NCAPD2: variants seen among roughly 807,000 people sequenced by gnomAD.
NCAPD2 encodes condensin complex subunit 1.
Under a neutral mutation model 164.5 loss-of-function variants are expected in NCAPD2, and 100 were observed. The observed-to-expected ratio is 0.61, with a 90% CI of 0.52 to 0.72. The LOEUF is 0.72. NCAPD2 is among the 30% of genes least tolerant of loss of function. NCAPD2 has a pLI of 0.00. For missense variants in NCAPD2, 1,560 were observed against 1,749.2 expected (o/e 0.89, Z 1.93); for synonymous variants, 585 against 642.6 (o/e 0.91, Z 1.36).
At chr12:6,504,208 T>TATAC (rs1946074094) in intron 2 of NCAPD2, among the ~76,000 whole-genome samples, 3 of 22,574 alleles carry the variant, frequency 1.3e-4, no homozygotes, top group African/African-American at 1.3e-3. Flanking sequence ...TATATATATA[T>TATAC]ATATATATAG....
intron 13 of NCAPD2, among the ~76,000 whole-genome samples, chr12:6,518,503 A>ATTTTTTTTTTTTTTTTTTT (rs1565544079): frequency 3.3e-5 from 1 of 30,714 alleles, no homozygotes. Flanking sequence ...GCCGTCAACA[A>ATTTTTTTTTTTTTTTTTTT]GTTTTTTTTT....
rs781430629 is a variant in NCAPD2, at chr12:6,527,870, G to A, written c.3001G>A (p.Glu1001Lys). The A allele has an allele frequency of 5.0e-6, 8 of 1,613,550 alleles. No homozygotes were observed. Among genetic ancestry groups the A allele is most frequent in the South Asian group, 3.3e-5 (3 of 91,078 alleles). ...TEAELIRGIC[E>K]MELLDGKQTL... ...GGCAGAACTAATCCGTGGCATCTGCGAGATGGAACTGTTGGATGGTAAGAA... is the reference window on the plus strand; with the variant it reads ...GGCAGAACTAATCCGTGGCATCTGCAAGATGGAACTGTTGGATGGTAAGAA... The change falls in exon 23 of 32, where the codon GAG becomes AAG. Residue 1001 changes from glutamate (E) to lysine (K), a missense_variant. Transcript: ENST00000315579.
At chr12:6,526,248 C>T (rs931890599) in intron 19 of NCAPD2, 39 bp from the exon 20 acceptor site, 4 of 1,614,136 alleles carry the variant, frequency 2.5e-6, no homozygotes, top group African/African-American at 1.3e-5. Flanking sequence ...TTCTCGTGTC[C>T]ACCCTGTACA....
intron 2 of NCAPD2, among the ~76,000 whole-genome samples, chr12:6,504,146 A>G (rs1290452252): frequency 2.1e-5 from 3 of 141,484 alleles, no homozygotes; most frequent in African/African-American, 7.9e-5. Flanking sequence ...ACTGGTTTGC[A>G]TGGACTATCT....
rs1192499634 is a variant in NCAPD2, at chr12:6,515,946, C to G, written c.988-882C>G. On this transcript the variant is annotated intron_variant, in intron 9 of 31. Coordinates refer to ENST00000315579, the MANE Select transcript of NCAPD2 (RefSeq NM_014865.4). ...GTGGCTCACGCCTGTAATCCCAGCA[C>G]TTTGGGAGGCTGAGGTGAGTGGATC... Among the ~76,000 whole-genome samples, 6 of 152,048 alleles carry G rather than the reference C, an allele frequency of 3.9e-5. No individual in the cohort carries two copies. In the East Asian group the frequency reaches 1.2e-3, roughly 29 times the overall value.
At chr12:6,504,916 G>A (rs149422473) in intron 2 of NCAPD2, among the ~76,000 whole-genome samples, 1 of 152,222 alleles carries the variant, frequency 6.6e-6, no homozygotes, top group African/African-American at 2.4e-5. Context: ...TTCTTGTAAT[G>A]TCATGACTCT....
At chr12:6,523,404 T>TTTTTG in intron 17 of NCAPD2, 58 bp downstream of exon 17, 2 of 1,427,860 alleles carry the variant, frequency 1.4e-6, no homozygotes, top group Non-Finnish European at 9.6e-7. Flanking sequence ...GGTTGTTTTT[T>TTTTTG]TTTTTTTTTT....
intron 2 of NCAPD2, among the ~76,000 whole-genome samples, chr12:6,505,740 C>T (rs1946092857): frequency 6.6e-6 from 1 of 152,096 alleles, no homozygotes; most frequent in Admixed American, 6.6e-5. Context: ...TGGCATGCAT[C>T]TGTAGTCCCA....
In NCAPD2 at chr12:6,525,848, T is replaced by C. The variant is rs529306456; in HGVS notation, c.2348+132T>C. ...GCTGTGAGTTATAACGCCACCTAAATGGAAAAGCAAATAGTGAGAGGACCA... is the reference window on the plus strand; with the variant it reads ...GCTGTGAGTTATAACGCCACCTAAACGGAAAAGCAAATAGTGAGAGGACCA... On this transcript the variant is annotated intron_variant, in intron 18 of 31. Coordinates refer to ENST00000315579, the MANE Select transcript of NCAPD2 (RefSeq NM_014865.4). 437 of 1,337,402 alleles carry C rather than the reference T, an allele frequency of 3.3e-4. 4 individuals are homozygous for C. In the South Asian group the frequency reaches 5.7e-3, roughly 17 times the overall value. 82.8% of individuals were successfully genotyped at this position (1,337,402 alleles called of 1,614,324 possible). A position where few individuals can be genotyped will look rare whatever the true frequency, so the allele number is the denominator to read the frequency against.
At chr12:6,515,018 A>G in intron 9 of NCAPD2, 98 bp downstream of exon 9, 2 of 1,331,176 alleles carry the variant, frequency 1.5e-6, no homozygotes, top group Middle Eastern at 2.2e-4. Flanking sequence ...AGCTTTGACA[A>G]GTTGTCTAGA....
In NCAPD2 at chr12:6,526,499, C is replaced by T; in HGVS notation, c.2618C>T (p.Thr873Ile). 6.2e-7 allele frequency: 1 copy of T among 1,614,158 alleles called. No homozygotes were observed. Among genetic ancestry groups the T allele is most frequent in the South Asian group, 1.1e-5 (1 of 91,072 alleles). Residue 873 changes from threonine (T) to isoleucine (I), a missense_variant, in exon 21 of 32, where the codon ACC becomes ATC. Coordinates refer to ENST00000315579, the MANE Select transcript of NCAPD2 (RefSeq NM_014865.4). ...ATCCCATTCAAAGAGGTGGCAGTGA[C>T]CCTCATTTACCAACTGGCAGAGGGC... ...LWIPFKEVAV[T>I]LIYQLAEGPE...
rs1018837566 is a variant in NCAPD2, at chr12:6,516,699, T to C, written c.988-129T>C. The C allele has an allele frequency of 3.6e-5, 32 of 892,020 alleles. No individual in the cohort carries two copies. In the East Asian group the frequency reaches 7.6e-4, roughly 21 times the overall value. The allele number at this position is 892,020 out of a possible 1,614,324, so 55.3% of individuals were successfully genotyped here. ...GCATTCTCTGAGCAACAAGTCCTCT[T>C]TGGGATTCAGCTTTCTCCTGTGACC... On this transcript the variant is annotated intron_variant, in intron 9 of 31. Coordinates refer to ENST00000315579, the MANE Select transcript of NCAPD2 (RefSeq NM_014865.4).
chr12:6,520,985 G>A lies in NCAPD2; in HGVS notation c.1590-1G>A. The A allele has an allele frequency of 6.2e-7, 1 of 1,613,832 alleles. No homozygotes were observed. The highest frequency in any genetic ancestry group is 8.5e-7 in the Non-Finnish European group (1 of 1,179,898). On this transcript the variant is annotated splice_acceptor_variant, in intron 13 of 31. Coordinates refer to ENST00000315579, the MANE Select transcript of NCAPD2 (RefSeq NM_014865.4). LOFTEE classifies it high-confidence loss of function. ...GTACTGACAGGCTGGTGTTCTTTCAGAAAGGCCATCATTCTCACTCGAGAA... is the reference window on the plus strand; with the variant it reads ...GTACTGACAGGCTGGTGTTCTTTCAAAAAGGCCATCATTCTCACTCGAGAA...
At chr12:6,517,996 T>A (rs1565543952) in intron 13 of NCAPD2, 37 bp downstream of exon 13, 1 of 1,599,212 alleles carries the variant, frequency 6.3e-7, no homozygotes, top group Admixed American at 1.7e-5. Context: ...GTGATCTGTT[T>A]ATGTTTAGAG....
chr12:6,531,528 G>A lies in NCAPD2; in HGVS notation c.*116G>A, dbSNP rs148024858. 2,477 of 1,500,324 alleles carry A rather than the reference G, an allele frequency of 1.7e-3. 34 individuals carry two copies. The African/African-American group carries it at 0.032, about 19-fold the overall frequency. 92.9% of individuals were successfully genotyped at this position (1,500,324 alleles called of 1,614,324 possible). ...CTTTTTTTTAAAAAAAAAAAAGGCC[G>A]GGCACTGTGGCTCACGCCTGTAATC... On this transcript the variant is annotated 3_prime_UTR_variant, in exon 32 of 32. Coordinates refer to ENST00000315579, the MANE Select transcript of NCAPD2 (RefSeq NM_014865.4). The surrounding 1 kb of genome is among the most constrained non-coding windows in gnomAD (Gnocchi z 4.1).
intron 2 of NCAPD2, among the ~76,000 whole-genome samples, chr12:6,496,021 C>G (rs545656332): frequency 1.0e-3 from 156 of 150,904 alleles, no homozygotes; most frequent in African/African-American, 3.7e-3. Flanking sequence ...CTTGGCTTTT[C>G]TTTCATGGTT....
chr12:6,529,091 A>G, intron 27 of NCAPD2, 52 bp downstream of exon 27: 13 of 1,488,806 alleles, frequency 8.7e-6, no homozygotes, highest in Non-Finnish European at 1.2e-5. Context: ...CGGGCTTAGG[A>G]ATCAGACACA....
chr12:6,504,234 T>TATACAC (rs1555137472), intron 2 of NCAPD2, among the ~76,000 whole-genome samples: 47 of 108,092 alleles, frequency 4.3e-4, no homozygotes, highest in South Asian at 9.1e-4. Flanking sequence ...GATATATATA[T>TATACAC]ATATATATAC....
In NCAPD2 at chr12:6,509,703, T is replaced by C; in HGVS notation, c.128-14T>C. On this transcript the variant is annotated splice_polypyrimidine_tract_variant and intron_variant, in intron 2 of 31. Transcript: ENST00000315579. ...TCTTCCCTCCAAATTGATTTGTTTT[T>C]TCCATCTTCATAGCTTTTCAGGCTG... 6.2e-7 allele frequency: 1 copy of C among 1,613,402 alleles called. No homozygotes were observed. Among genetic ancestry groups the C allele is most frequent in the East Asian group, 2.2e-5 (1 of 44,886 alleles).
Sources: allele counts gnomAD v4.1 joint callset (sites outside exome capture counted in the v4.1 genomes callset), GRCh38; gene constraint gnomAD v4.1.1; non-coding constraint Gnocchi (gnomAD v3.1); transcripts MANE v1.5; gene names NCBI Gene and HGNC (gene_info 2026-07-23, HGNC 2026-07-21).